Variants in CACNA1E observed in about 807,000 individuals in gnomAD.
CACNA1E encodes the protein calcium voltage-gated channel subunit alpha1 E.
In CACNA1E, 40 loss-of-function variants were observed where a neutral mutation model predicts 259.2. That is an observed-to-expected ratio of 0.15 (90% CI 0.12 to 0.20). The LOEUF is 0.20. Among genes scored for constraint, CACNA1E ranks in the 10% least tolerant of loss-of-function variants. The pLI is 1.00. For missense variants in CACNA1E, 1,874 were observed against 3,040.1 expected (o/e 0.62, Z 9.02); for synonymous variants, 1,104 against 1,138.5 (o/e 0.97, Z 0.61).
At chr1:181,568,669 C>T (rs981043656) in intron 3 of CACNA1E, among the ~76,000 whole-genome samples, 1 of 152,156 alleles carries the variant, frequency 6.6e-6, no homozygotes, top group Non-Finnish European at 1.5e-5. Flanking sequence ...GATCGTGATT[C>T]ACTGCAGCCT....
chr1:181,491,020 T>A (rs374551008), intron 1 of CACNA1E, among the ~76,000 whole-genome samples: 2 of 152,210 alleles, frequency 1.3e-5, no homozygotes, highest in East Asian at 3.8e-4. Context: ...AGCTTTGCTG[T>A]AGGTTGGAAG....
intron 6 of CACNA1E, among the ~76,000 whole-genome samples, chr1:181,588,273 GTGTC>G (rs1652287349): frequency 6.6e-6 from 1 of 152,188 alleles, no homozygotes; most frequent in Admixed American, 6.5e-5. Flanking sequence ...CCTCCTCAGA[GTGTC>G]TGTCTCTTTT....
At chr1:181,530,658 G>C (rs1395098212) in intron 3 of CACNA1E, among the ~76,000 whole-genome samples, 1 of 152,228 alleles carries the variant, frequency 6.6e-6, no homozygotes, top group Non-Finnish European at 1.5e-5. Flanking sequence ...AATGGCATAT[G>C]TGAAAATGTC....
chr1:181,552,006 C>T (rs531861222), intron 3 of CACNA1E, among the ~76,000 whole-genome samples: 1 of 152,132 alleles, frequency 6.6e-6, no homozygotes, highest in Admixed American at 6.5e-5. Context: ...ATCAAAGTGA[C>T]AACCACTTGC....
chr1:181,402,574 C>T (rs991172479), intron 1 of CACNA1E, among the ~76,000 whole-genome samples: 3 of 152,208 alleles, frequency 2.0e-5, no homozygotes, highest in South Asian at 2.1e-4. Context: ...GAGCGTACTC[C>T]GTCCCCATGC....
chr1:181,651,131 A>T (rs1288515116), intron 6 of CACNA1E, among the ~76,000 whole-genome samples: 3 of 152,218 alleles, frequency 2.0e-5, no homozygotes, highest in Non-Finnish European at 4.4e-5. Context: ...TCAGTATATT[A>T]TGGTGAGGCT....
At position 181,639,824 on chromosome 1, in the gene CACNA1E, G is replaced by A. The variant is rs114937709; in HGVS notation, c.952-11514G>A. ...GAGGAAAACCAAGATGAATTTCTAGGAGGGCAGCAGGAGAGTGAATAAGAG... is the reference window on the plus strand; with the variant it reads ...GAGGAAAACCAAGATGAATTTCTAGAAGGGCAGCAGGAGAGTGAATAAGAG... On this transcript the variant is annotated intron_variant, in intron 6 of 47. Transcript: ENST00000367573. 9.1e-3 allele frequency among the ~76,000 whole-genome samples: 1,379 copies of A among 152,316 alleles called. 21 individuals are homozygous for A. The highest frequency in any genetic ancestry group is 0.03 in the African/African-American group (1,253 of 41,566).
At chr1:181,685,634 T>C (rs924337835) in intron 7 of CACNA1E, among the ~76,000 whole-genome samples, 8 of 152,224 alleles carry the variant, frequency 5.3e-5, no homozygotes, top group Non-Finnish European at 1.0e-4. Flanking sequence ...TTCTCAGTCC[T>C]GGTCTCACCT....
At chr1:181,553,996 C>A (rs369048255) in intron 3 of CACNA1E, among the ~76,000 whole-genome samples, 1 of 151,988 alleles carries the variant, frequency 6.6e-6, no homozygotes, top group Non-Finnish European at 1.5e-5. Context: ...CTCTAAATAG[C>A]AAAGTCAGTA....
intron 1 of CACNA1E, 73 bp downstream of exon 1, chr1:181,484,083 G>C (rs1213836763): frequency 1.4e-6 from 2 of 1,441,398 alleles, no homozygotes; most frequent in Non-Finnish European, 1.9e-6. Context: ...TACCTAGCAT[G>C]GAATGTATCC....
chr1:181,427,591 C>A, intron 2 of CACNA1E, among the ~76,000 whole-genome samples: 1 of 123,906 alleles, frequency 8.1e-6, no homozygotes, highest in South Asian at 3.3e-4. Flanking sequence ...CCAACTTCAA[C>A]CCTTCCCCCA....
At chr1:181,689,729 T>A (rs1650948140) in intron 7 of CACNA1E, among the ~76,000 whole-genome samples, 1 of 152,262 alleles carries the variant, frequency 6.6e-6, no homozygotes, top group African/African-American at 2.4e-5. Flanking sequence ...TAATGACTAG[T>A]GATGATGAGC....
At chr1:181,457,883 C>T (rs1393211394) in intron 2 of CACNA1E, among the ~76,000 whole-genome samples, 1 of 152,164 alleles carries the variant, frequency 6.6e-6, no homozygotes, top group African/African-American at 2.4e-5. Context: ...CAGGATCGTC[C>T]CTCTCCAGGA....
At chr1:181,579,277 G>A in intron 5 of CACNA1E, 53 bp downstream of exon 5, 1 of 1,486,030 alleles carries the variant, frequency 6.7e-7, no homozygotes, top group Non-Finnish European at 9.1e-7. Flanking sequence ...TCTGTTAACT[G>A]GGGTAATTTC....
At chr1:181,573,023 C>G (rs6694332) in intron 3 of CACNA1E, among the ~76,000 whole-genome samples, 2 of 152,102 alleles carry the variant, frequency 1.3e-5, no homozygotes, top group African/African-American at 4.8e-5. Context: ...CATTACACAG[C>G]GTAATGGCAG....
chr1:181,770,374 G>A (rs1246595007), intron 35 of CACNA1E, among the ~76,000 whole-genome samples: 1 of 152,150 alleles, frequency 6.6e-6, no homozygotes, highest in Non-Finnish European at 1.5e-5. Context: ...TTGGCTCCAG[G>A]CAGTGCTGTG....
chr1:181,551,759 T>C (rs1347344777), intron 3 of CACNA1E, among the ~76,000 whole-genome samples: 1 of 152,120 alleles, frequency 6.6e-6, no homozygotes, highest in African/African-American at 2.4e-5. Flanking sequence ...AAGCTTCTGC[T>C]TGGACTCTCC....
chr1:181,423,491 C>T (rs1658914034), intron 2 of CACNA1E, among the ~76,000 whole-genome samples: 1 of 152,090 alleles, frequency 6.6e-6, no homozygotes, highest in Admixed American at 6.5e-5. Flanking sequence ...CAAGTCCCAC[C>T]CACTTCTGTC....
At chr1:181,399,112 G>C (rs999939725) in intron 1 of CACNA1E, among the ~76,000 whole-genome samples, 1 of 151,912 alleles carries the variant, frequency 6.6e-6, no homozygotes, top group Non-Finnish European at 1.5e-5. Context: ...TGACCTTTCC[G>C]TCCTTCCTCT....
Sources: allele counts gnomAD v4.1 joint callset (sites outside exome capture counted in the v4.1 genomes callset), GRCh38; gene constraint gnomAD v4.1.1; transcripts MANE v1.5; gene names NCBI Gene and HGNC (gene_info 2026-07-23, HGNC 2026-07-21).